KAT6A: variants seen among roughly 807,000 people sequenced by gnomAD.
KAT6A encodes lysine acetyltransferase 6A.
Under a neutral mutation model 198.4 loss-of-function variants are expected in KAT6A, and 9 were observed. The observed-to-expected ratio is 0.05, with a 90% CI of 0.03 to 0.08. The LOEUF (loss-of-function observed/expected upper bound fraction) is 0.08. KAT6A is among the 10% of genes least tolerant of loss of function. The probability of loss-of-function intolerance (pLI) is 1.00; values close to 1 mark genes in which losing one functional copy is unlikely to be tolerated. For synonymous variants in KAT6A, 890 were observed against 883.0 expected, an observed-to-expected ratio of 1.01 and a Z score of -0.14; for missense variants, 2,077 against 2,509.9, an observed-to-expected ratio of 0.83 and a Z score of 3.69.
intron 2 of KAT6A, among the ~76,000 whole-genome samples, chr8:42,004,890 T>C (rs925897219): frequency 2.0e-5 from 3 of 152,004 alleles, no homozygotes; most frequent in Non-Finnish European, 4.4e-5. Flanking sequence ...ATCACGCCAT[T>C]GCACTCCAGC....
At chr8:42,013,046 G>T (rs376852861) in intron 2 of KAT6A, among the ~76,000 whole-genome samples, 1 of 151,600 alleles carries the variant, frequency 6.6e-6, no homozygotes, top group African/African-American at 2.4e-5. Flanking sequence ...AGGGTTGGGG[G>T]AGGGTGATGA....
intron 2 of KAT6A, among the ~76,000 whole-genome samples, chr8:42,032,397 A>G (rs1203272049): frequency 6.6e-6 from 1 of 152,160 alleles, no homozygotes; most frequent in African/African-American, 2.4e-5. Flanking sequence ...TATCTGAAAT[A>G]TTTCAATATT....
At chr8:42,042,087 G>A (rs1262267552) in intron 2 of KAT6A, among the ~76,000 whole-genome samples, 2 of 152,164 alleles carry the variant, frequency 1.3e-5, no homozygotes, top group Non-Finnish European at 2.9e-5. Flanking sequence ...CATATAAAAT[G>A]TGCAACTATT....
intron 2 of KAT6A, among the ~76,000 whole-genome samples, chr8:41,997,083 G>T (rs1246869205): frequency 6.6e-6 from 1 of 152,256 alleles, no homozygotes; most frequent in South Asian, 2.1e-4. Flanking sequence ...TGATGGAAAC[G>T]TTCTGAATGG....
At chr8:41,975,299 G>A (rs1823996077) in intron 7 of KAT6A, among the ~76,000 whole-genome samples, 2 of 151,964 alleles carry the variant, frequency 1.3e-5, no homozygotes, top group Admixed American at 1.3e-4. Context: ...TCCTTTTAAA[G>A]CACAAACTCT....
chr8:41,946,548 G>A, intron 12 of KAT6A, 43 bp downstream of exon 12: 1 of 862,096 alleles, frequency 1.2e-6, no homozygotes, highest in South Asian at 1.4e-5. Context: ...ACACAGAGAA[G>A]GTCCACTGGA....
chr8:42,036,284 T>A (rs1341014756), intron 2 of KAT6A, among the ~76,000 whole-genome samples: 3 of 152,020 alleles, frequency 2.0e-5, no homozygotes, highest in Admixed American at 2.0e-4. Flanking sequence ...GTAAGTGGCA[T>A]CCCACCACAT....
chr8:42,029,799 T>C (rs952457878), intron 2 of KAT6A, among the ~76,000 whole-genome samples: 1 of 152,140 alleles, frequency 6.6e-6, no homozygotes, highest in African/African-American at 2.4e-5. Context: ...AATTCTTCAG[T>C]TCTACAATTT....
chr8:41,941,521 A>G (rs540955941), intron 14 of KAT6A, 77 bp from the exon 15 acceptor site: 3 of 1,420,370 alleles, frequency 2.1e-6, no homozygotes, highest in African/African-American at 2.8e-5. Context: ...TGACCTTTTA[A>G]GTATTGAGAG....
chr8:41,964,859 A>G (rs948384311), intron 8 of KAT6A, among the ~76,000 whole-genome samples: 2 of 152,180 alleles, frequency 1.3e-5, no homozygotes, highest in Admixed American at 6.5e-5. Flanking sequence ...AAAATATCCT[A>G]TTGCATGGTA....
At position 41,932,197 on chromosome 8, in the gene KAT6A, C is replaced by A; in HGVS notation, c.*8G>T. 1 of 1,535,692 alleles carries A rather than the reference C, an allele frequency of 6.5e-7. No homozygotes were observed. Among genetic ancestry groups the A allele is most frequent in the South Asian group, 1.3e-5 (1 of 76,184 alleles). ...ATATTTAAGTTTTTGATTGCAAGTT[C>A]ATCTTGCTCATCTTCTCATGTAAGG... is the stretch of plus-strand genomic sequence containing the variant. On this transcript the variant is annotated 3_prime_UTR_variant, in exon 17 of 17. Transcript: ENST00000265713.
intron 8 of KAT6A, among the ~76,000 whole-genome samples, chr8:41,963,771 G>A (rs1475564539): frequency 6.6e-6 from 1 of 152,032 alleles, no homozygotes; most frequent in Non-Finnish European, 1.5e-5. Context: ...ACTTTAAAGA[G>A]CTACTTTACC....
Position 41,933,747 on chromosome 8 carries a change from G to A in KAT6A, c.4473C>T (p.Ser1491=). 6.2e-7 allele frequency: 1 copy of A among 1,614,144 alleles called. No individual in the cohort carries two copies. The highest frequency in any genetic ancestry group is 1.3e-5 in the African/African-American group (1 of 75,034). Residue 1491 remains serine, a synonymous_variant, in exon 17 of 17, where the codon AGC becomes AGT. Coordinates refer to ENST00000265713, the MANE Select transcript of KAT6A (RefSeq NM_006766.5). This position sits in a 1 kb window ranked among gnomAD's most constrained non-coding sequence, Gnocchi z 6.2. ...GACTGCTGACCGAACGGACTGACTGGCTGGGGTGAGACTGAACGGAGGAGA... is the reference window on the plus strand; with the variant it reads ...GACTGCTGACCGAACGGACTGACTGACTGGGGTGAGACTGAACGGAGGAGA... ...SPISSVQSHP[S]QSVRSVSSPN...
intron 9 of KAT6A, among the ~76,000 whole-genome samples, chr8:41,954,465 A>G (rs1458230181): frequency 6.6e-6 from 1 of 152,224 alleles, no homozygotes; most frequent in Non-Finnish European, 1.5e-5. Flanking sequence ...ACTAAATGGG[A>G]AACTGAGGCA....
At chr8:41,987,980 A>C (rs566699566) in intron 2 of KAT6A, among the ~76,000 whole-genome samples, 1 of 152,392 alleles carries the variant, frequency 6.6e-6, no homozygotes, top group South Asian at 2.1e-4. Context: ...CCTCGGCAGA[A>C]GACATTAAGT....
At chr8:42,041,444 T>C (rs1331830007) in intron 2 of KAT6A, among the ~76,000 whole-genome samples, 1 of 152,006 alleles carries the variant, frequency 6.6e-6, no homozygotes, top group Non-Finnish European at 1.5e-5. Flanking sequence ...ATGTCAGAAA[T>C]GTACGGCATG....
In KAT6A at chr8:41,930,067, A is replaced by G. The variant is rs1821449720; in HGVS notation, c.*2138T>C. 4.4e-6 allele frequency: 1 copy of G among 229,420 alleles called. No individual in the cohort carries two copies. Among genetic ancestry groups the G allele is most frequent in the Non-Finnish European group, 8.6e-6 (1 of 115,856 alleles). 14.2% of individuals were successfully genotyped at this position (229,420 alleles called of 1,614,324 possible). On this transcript the variant is annotated 3_prime_UTR_variant, in exon 17 of 17. Transcript: ENST00000265713. ...ATATAGAAAAGAACTTTTTTTTTCT[A>G]CAATAGTTCTACAGTCACAAAGAGG...
At chr8:41,973,619 G>A (rs1165953376) in intron 8 of KAT6A, among the ~76,000 whole-genome samples, 3 of 152,100 alleles carry the variant, frequency 2.0e-5, no homozygotes, top group Admixed American at 1.3e-4. Context: ...ACATAATCTG[G>A]AAGAGCCTTT....
chr8:41,955,235 C>G, intron 9 of KAT6A, 61 bp downstream of exon 9: 1 of 1,018,836 alleles, frequency 9.8e-7, no homozygotes, highest in Non-Finnish European at 1.6e-6. Context: ...TTCAAGATCC[C>G]TTCCAGTTCC....
Sources: gnomAD v4.1 joint callset for allele counts (sites outside exome capture counted in the v4.1 genomes callset) on GRCh38, gnomAD v4.1.1 for gene constraint, Gnocchi (gnomAD v3.1) non-coding constraint, MANE v1.5 for transcripts, NCBI Gene and HGNC (gene_info 2026-07-23, HGNC 2026-07-21) for gene names.